Variants in TNFAIP8 observed in about 807,000 individuals in gnomAD.
TNFAIP8 encodes the protein TNF alpha induced protein 8, also known as tumor necrosis factor alpha-induced protein 8.
Under a neutral mutation model 13.3 loss-of-function variants are expected in TNFAIP8, and 7 were observed. The ratio of observed to expected loss-of-function variants is 0.52; its 90% CI spans 0.30 to 0.99. The LOEUF is 0.99. Among genes scored for constraint, TNFAIP8 ranks in the 50% least tolerant of loss-of-function variants. The probability of loss-of-function intolerance (pLI) is 0.07; values close to 1 mark genes in which losing one functional copy is unlikely to be tolerated. For synonymous variants in TNFAIP8, 94 were observed against 87.6 expected, an observed-to-expected ratio of 1.07 and a Z score of -0.41; for missense variants, 258 against 236.9, an observed-to-expected ratio of 1.09 and a Z score of -0.58.
intron 1 of TNFAIP8, among the ~76,000 whole-genome samples, chr5:119,310,218 G>A (rs150714933): frequency 2.0e-5 from 3 of 152,170 alleles, no homozygotes; most frequent in African/African-American, 4.8e-5. Flanking sequence ...TCACTCTTTC[G>A]CTCCCTGGAC....
At chr5:119,289,935 T>G (rs1748930363) in intron 1 of TNFAIP8, among the ~76,000 whole-genome samples, 1 of 152,214 alleles carries the variant, frequency 6.6e-6, no homozygotes, top group Admixed American at 6.5e-5. Flanking sequence ...TTCAAAACCA[T>G]TATGAAGTCA....
intron 1 of TNFAIP8, among the ~76,000 whole-genome samples, chr5:119,298,536 AACATTTT>A (rs1327480425): frequency 6.6e-6 from 1 of 151,164 alleles, no homozygotes. Context: ...GGCTGCCCTT[AACATTTT>A]TTCCTTCATT....
At chr5:119,381,750 T>G (rs1337899907) in intron 1 of TNFAIP8, among the ~76,000 whole-genome samples, 1 of 151,882 alleles carries the variant, frequency 6.6e-6, no homozygotes, top group Non-Finnish European at 1.5e-5. Context: ...GTGGCCAATA[T>G]GGTGAAACCC....
At chr5:119,358,974 C>T (rs1751537801) in intron 1 of TNFAIP8, among the ~76,000 whole-genome samples, 1 of 152,112 alleles carries the variant, frequency 6.6e-6, no homozygotes, top group East Asian at 1.9e-4. Flanking sequence ...CCACCACCAC[C>T]TCACCCAGTT....
chr5:119,308,927 G>A lies in TNFAIP8; in HGVS notation c.1+40020G>A, dbSNP rs548526352. Among the ~76,000 whole-genome samples, 115 of 151,618 alleles carry A rather than the reference G, an allele frequency of 7.6e-4. 1 individual carries two copies. The highest frequency in any genetic ancestry group is 1.3e-3 in the Non-Finnish European group (86 of 67,964). On this transcript the variant is annotated intron_variant, in intron 1 of 1. Coordinates refer to the TNFAIP8 transcript ENST00000274456. ...CATCTGAGCCAGCGTGCTCCTTGTT[G>A]CTCCATTTGACTCATGCTCTCTCCA...
Position 119,392,766 on chromosome 5 carries a change from G to C in TNFAIP8, c.32-50G>C, listed in dbSNP as rs780690506. 6.8e-6 allele frequency: 10 copies of C among 1,475,448 alleles called. No individual in the cohort carries two copies. In the Admixed American group the frequency reaches 1.3e-4, roughly 19 times the overall value. 91.4% of individuals were successfully genotyped at this position (1,475,448 alleles called of 1,614,324 possible). On this transcript the variant is annotated intron_variant, in intron 1 of 1. Transcript: ENST00000504771. ...TACCTGTTTTTAGTTCGCTTCACTT[G>C]CTGATATTTACTAATTGTTAATTCT... is the stretch of plus-strand genomic sequence containing the variant.
rs546766560 is a variant in TNFAIP8, at chr5:119,276,913, T to C, written c.1+8006T>C. On this transcript the variant is annotated intron_variant, in intron 1 of 1. Transcript: ENST00000274456. ...GGATCTTTTCAGGACCTGCAGTCTA[T>C]GCCTGAAACTGCACATAGTACTGAA... Among the ~76,000 whole-genome samples the C allele has an allele frequency of 4.9e-4, 74 of 152,328 alleles. 1 individual carries two copies. Among genetic ancestry groups the C allele is most frequent in the African/African-American group, 1.7e-3 (69 of 41,578 alleles).
At chr5:119,278,366 AGAGAGAGAGAGTGTGTGT>A (rs1748521491) in intron 1 of TNFAIP8, among the ~76,000 whole-genome samples, 2 of 134,350 alleles carry the variant, frequency 1.5e-5, no homozygotes, top group Admixed American at 7.3e-5. Flanking sequence ...AGAGAGAGAG[AGAGAGAGAGAGTGTGTGT>A]GTGTGTGTGT....
chr5:119,363,561 G>A (rs528168064), intron 1 of TNFAIP8, among the ~76,000 whole-genome samples: 2 of 152,178 alleles, frequency 1.3e-5, no homozygotes, highest in East Asian at 3.9e-4. Flanking sequence ...AATATGCAGT[G>A]GTACATGAGG....
At chr5:119,287,709 A>G (rs1004292016) in intron 1 of TNFAIP8, among the ~76,000 whole-genome samples, 5 of 152,166 alleles carry the variant, frequency 3.3e-5, no homozygotes, top group Admixed American at 1.3e-4. Flanking sequence ...TTCTCAGTAA[A>G]TATGTGTTAA....
intron 1 of TNFAIP8, among the ~76,000 whole-genome samples, chr5:119,283,594 T>C (rs4895188): frequency 0.78 from 118,255 of 152,236 alleles, 47,647 homozygotes; most frequent in East Asian, 0.98. Context: ...GAGAGCTTGC[T>C]GTAAGAGAGT....
chr5:119,373,074 T>C (rs770620665), intron 1 of TNFAIP8, among the ~76,000 whole-genome samples: 8 of 152,224 alleles, frequency 5.3e-5, no homozygotes, highest in Non-Finnish European at 1.2e-4. Flanking sequence ...TGGATTCTTC[T>C]TGGGTATGTA....
chr5:119,320,072 G>C (rs1750009163), intron 1 of TNFAIP8, among the ~76,000 whole-genome samples: 1 of 152,168 alleles, frequency 6.6e-6, no homozygotes, highest in African/African-American at 2.4e-5. Context: ...AGTGGAGGTT[G>C]TCAAGACGAC....
chr5:119,316,597 C>CT (rs568923274), intron 1 of TNFAIP8, among the ~76,000 whole-genome samples: 66 of 152,270 alleles, frequency 4.3e-4, no homozygotes, highest in Non-Finnish European at 8.2e-4. Flanking sequence ...TTGATAAACT[C>CT]TAAGGCAGAG....
intron 1 of TNFAIP8, among the ~76,000 whole-genome samples, chr5:119,295,629 A>G (rs1017732905): frequency 6.6e-6 from 1 of 152,034 alleles, no homozygotes; most frequent in African/African-American, 2.4e-5. Context: ...TTTTGGTTCC[A>G]TATGAACTTT....
At chr5:119,311,988 C>G (rs913394898) in intron 1 of TNFAIP8, among the ~76,000 whole-genome samples, 1 of 151,922 alleles carries the variant, frequency 6.6e-6, no homozygotes, top group Non-Finnish European at 1.5e-5. Flanking sequence ...TAGTGTGGAA[C>G]CATGACAGAA....
intron 1 of TNFAIP8, among the ~76,000 whole-genome samples, chr5:119,294,637 A>G (rs1020939265): frequency 6.6e-6 from 1 of 152,272 alleles, no homozygotes; most frequent in Non-Finnish European, 1.5e-5. Flanking sequence ...CCACAATGGT[A>G]GAACTAGTTT....
intron 1 of TNFAIP8, among the ~76,000 whole-genome samples, chr5:119,299,688 G>C (rs909161892): frequency 6.6e-6 from 1 of 152,184 alleles, no homozygotes; most frequent in African/African-American, 2.4e-5. Flanking sequence ...CTGTCTTTTT[G>C]TTTGTTGTGC....
chr5:119,286,621 CAAA>C (rs11302326), intron 1 of TNFAIP8, among the ~76,000 whole-genome samples: 25 of 127,514 alleles, frequency 2.0e-4, no homozygotes, highest in Non-Finnish European at 1.3e-4. Flanking sequence ...GACTCCCTCT[CAAA>C]AAAAAAAAAA....
Sources: allele counts gnomAD v4.1 joint callset (sites outside exome capture counted in the v4.1 genomes callset), GRCh38; gene constraint gnomAD v4.1.1; transcripts MANE v1.5; gene names NCBI Gene and HGNC (gene_info 2026-07-23, HGNC 2026-07-21).